Variants in SLC26A11 observed in about 807,000 individuals in gnomAD.
SLC26A11 encodes sodium-independent sulfate anion transporter.
In SLC26A11, 58 loss-of-function variants were observed where a neutral mutation model predicts 62.2. The ratio of observed to expected loss-of-function variants is 0.93; its 90% confidence interval spans 0.76 to 1.16. The LOEUF is 1.16. Among genes scored for constraint, SLC26A11 ranks in the 50% most tolerant of loss-of-function variants. SLC26A11 has a pLI of 0.00. For missense variants in SLC26A11, 790 were observed against 794.3 expected (o/e 0.99, Z 0.06); for synonymous variants, 411 against 368.9 (o/e 1.11, Z -1.31).
intron 5 of SLC26A11, among the ~76,000 whole-genome samples, chr17:80,224,923 C>G (rs1000383394): frequency 6.6e-6 from 1 of 152,068 alleles, no homozygotes; most frequent in East Asian, 1.9e-4. Context: ...GTCCGCCCCC[C>G]AGGATGTCCT....
Position 80,223,000 on chromosome 17 carries a change from G to A in SLC26A11, c.427+153G>A, listed in dbSNP as rs1377302653. ...GTGGGTGGGTGGTGGAGGGGGTGGG[G>A]CACTTGGCTCTTAGTCTACTCTTTT... On this transcript the variant is annotated intron_variant, in intron 4 of 17. Transcript: ENST00000361193. This position sits in a 1 kb window ranked among gnomAD's most constrained non-coding sequence, Gnocchi z 4.7. Among the ~76,000 whole-genome samples the A allele has an allele frequency of 6.6e-6, 1 of 151,870 alleles. No individual in the cohort carries two copies. The highest frequency in any genetic ancestry group is 1.5e-5 in the Non-Finnish European group (1 of 67,974).
At position 80,223,217 on chromosome 17, in the gene SLC26A11, C is replaced by T. The variant is rs368317235; in HGVS notation, c.428-35C>T. The T allele has an allele frequency of 1.7e-4, 266 of 1,588,072 alleles. No individual in the cohort carries two copies. The highest frequency in any genetic ancestry group is 2.1e-4 in the Non-Finnish European group (243 of 1,156,960). ...CTCATCCTCTGGGACTGGGTGGAGC[C>T]GGGACCAGCTCGATGTCCCCTCTTG... is the stretch of plus-strand genomic sequence containing the variant. On this transcript the variant is annotated intron_variant, in intron 4 of 17. Coordinates refer to ENST00000361193, the MANE Select transcript of SLC26A11 (RefSeq NM_001166347.2). This position sits in a 1 kb window ranked among gnomAD's most constrained non-coding sequence, Gnocchi z 4.6.
At position 80,248,156 on chromosome 17, in the gene SLC26A11, A is replaced by T. The variant is rs111824287; in HGVS notation, c.1321A>T (p.Thr441Ser). 1.8e-4 allele frequency: 290 copies of T among 1,605,764 alleles called. No homozygotes were observed. The African/African-American group carries it at 3.3e-3, about 18-fold the overall frequency. ...KRLDLLPLCV[T>S]FLLCFWEVQY... ...GCTGGACCTGCTGCCCCTGTGCGTG[A>T]CCTTCCTGCTGTGCTTCTGGGAGGT... Residue 441 changes from threonine (T) to serine (S), a missense_variant, in exon 14 of 18, where the codon ACC (threonine) becomes TCC (serine). By Grantham distance (58) the Thr-to-Ser change is moderately conservative. Transcript: ENST00000361193.
chr17:80,251,274 C>G, intron 16 of SLC26A11, 55 bp from the exon 17 acceptor site: 1 of 1,613,640 alleles, frequency 6.2e-7, no homozygotes, highest in Middle Eastern at 1.7e-4. Flanking sequence ...AGGCTGCCGA[C>G]CCGTGTGCTA....
At position 80,228,813 on chromosome 17, in the gene SLC26A11, A is replaced by G. The variant is rs2042485669; in HGVS notation, c.736+853A>G. Reference sequence around the variant, plus strand: ...AATTGTGCAGCTTTATGGGGGTACAACTTCAGCTTCAGGCGCGGAGGCTGC... The same window carrying G: ...AATTGTGCAGCTTTATGGGGGTACAGCTTCAGCTTCAGGCGCGGAGGCTGC... On this transcript the variant is annotated intron_variant, in intron 7 of 17. Coordinates refer to ENST00000361193, the MANE Select transcript of SLC26A11 (RefSeq NM_001166347.2). The surrounding 1 kb of genome is among the most constrained non-coding windows in gnomAD (Gnocchi z 4.1). 1.3e-5 allele frequency among the ~76,000 whole-genome samples: 2 copies of G among 152,196 alleles called. No homozygotes were observed. The highest frequency in any genetic ancestry group is 2.1e-4 in the South Asian group (1 of 4,824).
In SLC26A11 at chr17:80,221,511, G is replaced by A. The variant is rs202236239; in HGVS notation, c.-13-37G>A. On this transcript the variant is annotated intron_variant, in intron 2 of 17. Coordinates refer to ENST00000361193, the MANE Select transcript of SLC26A11 (RefSeq NM_001166347.2). ...TGTTGCCGGGTTCTTCAAAGGCCAC[G>A]CTCTGACTGCTGGTCTGTGTCACCT... 9.1e-5 allele frequency: 131 copies of A among 1,439,292 alleles called. 1 individual carries two copies. The Admixed American group carries it at 1.8e-3, about 20-fold the overall frequency. The allele number at this position is 1,439,292 out of a possible 1,614,324, so 89.2% of individuals were successfully genotyped here.
At chr17:80,241,882 C>T (rs1567961746) in intron 10 of SLC26A11, 61 bp downstream of exon 10, 2 of 1,560,312 alleles carry the variant, frequency 1.3e-6, no homozygotes. Flanking sequence ...CCCAGGCCTG[C>T]CCCTCTGTGT....
chr17:80,242,077 A>G (rs1336623904), intron 10 of SLC26A11, among the ~76,000 whole-genome samples: 1 of 152,166 alleles, frequency 6.6e-6, no homozygotes, highest in East Asian at 1.9e-4. Flanking sequence ...CCTGGGTTCA[A>G]GTGATTCTCC....
intron 16 of SLC26A11, among the ~76,000 whole-genome samples, chr17:80,250,556 A>AC (rs959611497): frequency 2.6e-4 from 40 of 152,268 alleles, no homozygotes; most frequent in Admixed American, 2.4e-3. Flanking sequence ...TACTCCTCTG[A>AC]CCCAGACATG....
In SLC26A11 at chr17:80,225,980, C is replaced by T; in HGVS notation, c.593+64C>T. ...CCTTCTTCCACACCTCCTCTCCCGG[C>T]CCCCACCTCAGTTTCCCCACCCCTG... On this transcript the variant is annotated intron_variant, in intron 6 of 17. Transcript: ENST00000361193. The T allele has an allele frequency of 4.8e-6, 7 of 1,462,080 alleles. No homozygotes were observed. The South Asian group carries it at 8.1e-5, about 17-fold the overall frequency. The allele number at this position is 1,462,080 out of a possible 1,614,324, so 90.6% of individuals were successfully genotyped here.
intron 16 of SLC26A11, 144 bp downstream of exon 16, chr17:80,249,431 G>C (rs1167277021): frequency 8.4e-7 from 1 of 1,194,808 alleles, no homozygotes; most frequent in African/African-American, 1.5e-5. Flanking sequence ...GATTTAAACA[G>C]TTCTTGTTCC....
chr17:80,230,193 C>CA (rs11338645), intron 7 of SLC26A11, among the ~76,000 whole-genome samples: 5,068 of 90,836 alleles, frequency 0.056, 157 homozygotes, highest in East Asian at 0.22. Flanking sequence ...GACTCCTTCT[C>CA]AAAAAAAAAA....
chr17:80,246,158 G>T lies in SLC26A11; in HGVS notation c.1102G>T (p.Ala368Ser). 1 of 1,613,262 alleles carries T rather than the reference G, an allele frequency of 6.2e-7. No individual in the cohort carries two copies. The highest frequency in any genetic ancestry group is 8.5e-7 in the Non-Finnish European group (1 of 1,180,010). Residue 368 changes from alanine (A) to serine (S), a missense_variant, in exon 12 of 18, where the codon GCC becomes TCC. Coordinates refer to ENST00000361193, the MANE Select transcript of SLC26A11 (RefSeq NM_001166347.2). This position sits in a 1 kb window ranked among gnomAD's most constrained non-coding sequence, Gnocchi z 4.4. ...YPVTGSFGRT[A>S]VNAQSGVCTP... The stretch of plus-strand genomic sequence containing the variant: ...GGTCTCTGTGTTGCCTTCCAGGACA[G>T]CCGTGAACGCTCAGTCGGGGGTGTG...
intron 9 of SLC26A11, among the ~76,000 whole-genome samples, chr17:80,239,788 G>A (rs1203324082): frequency 1.3e-5 from 2 of 152,230 alleles, no homozygotes; most frequent in African/African-American, 4.8e-5. Flanking sequence ...AGGATTACAG[G>A]CCTGAGCCAT....
chr17:80,248,898 G>A (rs950339603), intron 15 of SLC26A11, among the ~76,000 whole-genome samples: 1 of 152,208 alleles, frequency 6.6e-6, no homozygotes, highest in Non-Finnish European at 1.5e-5. Flanking sequence ...CCTAAAGTCC[G>A]GTTCCTGTTT....
rs1002866213 is a variant in SLC26A11 at position 80,223,603 on chromosome 17, C to T, written c.513+266C>T. Among the ~76,000 whole-genome samples, 1 of 152,170 alleles carries T rather than the reference C, an allele frequency of 6.6e-6. No individual in the cohort carries two copies. Among genetic ancestry groups the T allele is most frequent in the African/African-American group, 2.4e-5 (1 of 41,430 alleles). ...GGTAATTCCATCCCCCTGCTCTTGC[C>T]CGAGTTTCCGTGCCAGTGTGCTTGG... On this transcript the variant is annotated intron_variant, in intron 5 of 17. Transcript: ENST00000361193. The surrounding 1 kb of genome is among the most constrained non-coding windows in gnomAD (Gnocchi z 4.6).
At chr17:80,240,016 A>G (rs777061023) in intron 9 of SLC26A11, among the ~76,000 whole-genome samples, 13 of 152,256 alleles carry the variant, frequency 8.5e-5, no homozygotes, top group Non-Finnish European at 1.8e-4. Flanking sequence ...AGGGCCCACA[A>G]AGCCTAAAAT....
At chr17:80,240,939 C>A (rs2042844464) in intron 9 of SLC26A11, among the ~76,000 whole-genome samples, 1 of 152,074 alleles carries the variant, frequency 6.6e-6, no homozygotes, top group Non-Finnish European at 1.5e-5. Flanking sequence ...AACAAGACCT[C>A]ATTTCTATTG....
chr17:80,235,496 A>G (rs1024248750), intron 7 of SLC26A11, among the ~76,000 whole-genome samples: 3 of 152,206 alleles, frequency 2.0e-5, no homozygotes, highest in African/African-American at 7.2e-5. Context: ...AGCTGGGACT[A>G]TAGGCATATG....
Sources: gnomAD v4.1 joint callset for allele counts (sites outside exome capture counted in the v4.1 genomes callset) on GRCh38, gnomAD v4.1.1 for gene constraint, Gnocchi (gnomAD v3.1) non-coding constraint, MANE v1.5 for transcripts, NCBI Gene and HGNC (gene_info 2026-07-23, HGNC 2026-07-21) for gene names.